Variants in SHISA6 observed in about 807,000 individuals in gnomAD.
SHISA6 encodes shisa family member 6.
In SHISA6, 22 loss-of-function variants were observed where a neutral mutation model predicts 47.9. That is an observed-to-expected ratio of 0.46 (90% CI 0.33 to 0.66). SHISA6 has a LOEUF of 0.66. SHISA6 is among the 30% of genes least tolerant of loss of function. The probability of loss-of-function intolerance (pLI) is 0.02; values close to 1 mark genes in which losing one functional copy is unlikely to be tolerated. For synonymous variants in SHISA6, 388 were observed against 337.8 expected, an observed-to-expected ratio of 1.15 and a Z score of -1.63; for missense variants, 680 against 764.6, an observed-to-expected ratio of 0.89 and a Z score of 1.30.
intron 3 of SHISA6, among the ~76,000 whole-genome samples, chr17:11,415,870 T>C (rs981531576): frequency 6.6e-6 from 1 of 152,196 alleles, no homozygotes; most frequent in Non-Finnish European, 1.5e-5. Flanking sequence ...CAAAATACCG[T>C]AGACTTGATG....
intron 3 of SHISA6, chr17:11,380,243 T>TTATA (rs1201912737): frequency 1.3e-5 from 2 of 152,240 alleles, no homozygotes; most frequent in African/African-American, 2.4e-5. Context: ...AGATCAAATG[T>TTATA]GAATTCTGTT....
chr17:11,348,714 C>T (rs1911778988), intron 2 of SHISA6, among the ~76,000 whole-genome samples: 1 of 151,878 alleles, frequency 6.6e-6, no homozygotes, highest in Non-Finnish European at 1.5e-5. Context: ...GAAACAAGTT[C>T]ATTTGGGGCC....
At chr17:11,384,622 G>A (rs892373728) in intron 3 of SHISA6, among the ~76,000 whole-genome samples, 2 of 152,122 alleles carry the variant, frequency 1.3e-5, no homozygotes, top group Non-Finnish European at 2.9e-5. Flanking sequence ...GATATCCCTG[G>A]CCACACCAGG....
intron 2 of SHISA6, among the ~76,000 whole-genome samples, chr17:11,363,405 C>T (rs1912349313): frequency 1.3e-5 from 2 of 152,126 alleles, no homozygotes. Flanking sequence ...TAGTCTTGCC[C>T]TTTATAAACA....
chr17:11,405,614 C>T (rs1913925686), intron 3 of SHISA6, among the ~76,000 whole-genome samples: 1 of 151,960 alleles, frequency 6.6e-6, no homozygotes, highest in Non-Finnish European at 1.5e-5. Flanking sequence ...CCAGCCTGGC[C>T]AACATGGTGA....
chr17:11,389,510 T>C (rs920127409), intron 3 of SHISA6, among the ~76,000 whole-genome samples: 4 of 152,178 alleles, frequency 2.6e-5, no homozygotes, highest in Non-Finnish European at 4.4e-5. Flanking sequence ...CACCAGCTTG[T>C]CTTCTTTCTA....
chr17:11,536,395 T>G (rs561720860), intron 3 of SHISA6, among the ~76,000 whole-genome samples: 17 of 152,300 alleles, frequency 1.1e-4, no homozygotes, highest in African/African-American at 3.6e-4. Flanking sequence ...CTACTTTGTA[T>G]TTGGGATATT....
At chr17:11,509,471 C>T (rs967315606) in intron 3 of SHISA6, among the ~76,000 whole-genome samples, 29 of 152,296 alleles carry the variant, frequency 1.9e-4, no homozygotes, top group African/African-American at 7.0e-4. Context: ...GGAGGAAATG[C>T]CTGAGGTCAC....
intron 2 of SHISA6, among the ~76,000 whole-genome samples, chr17:11,350,734 G>A (rs1911862111): frequency 6.6e-6 from 1 of 151,920 alleles, no homozygotes; most frequent in Admixed American, 6.6e-5. Flanking sequence ...TATAAATCTG[G>A]TCATGCCATT....
intron 3 of SHISA6, among the ~76,000 whole-genome samples, chr17:11,462,274 T>C (rs1915711247): frequency 6.6e-6 from 1 of 152,212 alleles, no homozygotes; most frequent in African/African-American, 2.4e-5. Context: ...CCAGTCAGGA[T>C]GCCATGCATT....
chr17:11,271,694 A>G (rs375180262), intron 2 of SHISA6, among the ~76,000 whole-genome samples: 1 of 146,702 alleles, frequency 6.8e-6, no homozygotes, highest in South Asian at 2.1e-4. Context: ...TCCTGACCTC[A>G]GGTGATCTGC....
At chr17:11,333,063 T>C (rs934973775) in intron 2 of SHISA6, among the ~76,000 whole-genome samples, 3 of 152,182 alleles carry the variant, frequency 2.0e-5, no homozygotes, top group Non-Finnish European at 2.9e-5. Context: ...ATGCCACATC[T>C]TTATCACTGT....
chr17:11,495,674 G>A (rs2142341968), intron 3 of SHISA6, among the ~76,000 whole-genome samples: 1 of 152,334 alleles, frequency 6.6e-6, no homozygotes, highest in Non-Finnish European at 1.5e-5. Flanking sequence ...CTGCAAGGAT[G>A]CAAGGCATCT....
At chr17:11,525,975 C>A (rs1334020767) in intron 3 of SHISA6, among the ~76,000 whole-genome samples, 1 of 151,400 alleles carries the variant, frequency 6.6e-6, no homozygotes, top group African/African-American at 2.4e-5. Flanking sequence ...TGTCACTGCA[C>A]TCCAGTCTGG....
At chr17:11,289,962 C>A (rs1314273207) in intron 2 of SHISA6, 1 of 150,734 alleles carries the variant, frequency 6.6e-6, no homozygotes, top group African/African-American at 2.5e-5. Flanking sequence ...GCTGTAAGTT[C>A]TTCTCTAACA....
chr17:11,259,336 T>C (rs1273458879), intron 1 of SHISA6, among the ~76,000 whole-genome samples: 1 of 152,174 alleles, frequency 6.6e-6, no homozygotes, highest in Non-Finnish European at 1.5e-5. Context: ...AACAACGAAA[T>C]AGGGCTACCG....
chr17:11,508,400 G>C lies in SHISA6; in HGVS notation c.896-43496G>C, dbSNP rs1461018814. On this transcript the variant is annotated intron_variant, in intron 3 of 5. Transcript: ENST00000441885. ...TCAAGCCCCTTTATAAAGGCACCTA[G>C]CCCCATTCACCAAAGAGGAGCCCTC... 9.0e-5 allele frequency among the ~76,000 whole-genome samples: 8 copies of C among 88,644 alleles called. 2 individuals carry two copies. Among genetic ancestry groups the C allele is most frequent in the African/African-American group, 3.5e-4 (8 of 23,046 alleles). 58.2% of individuals were successfully genotyped at this position (88,644 alleles called of 152,430 possible). A position where few individuals can be genotyped will look rare whatever the true frequency, so the allele number is the denominator to read the frequency against.
At chr17:11,291,627 C>G (rs1909547386) in intron 2 of SHISA6, among the ~76,000 whole-genome samples, 1 of 152,010 alleles carries the variant, frequency 6.6e-6, no homozygotes, top group South Asian at 2.1e-4. Context: ...GAGCGAGACT[C>G]TGTCTCAAAA....
At chr17:11,391,147 G>T (rs1463110169) in intron 3 of SHISA6, among the ~76,000 whole-genome samples, 1 of 152,164 alleles carries the variant, frequency 6.6e-6, no homozygotes, top group Non-Finnish European at 1.5e-5. Flanking sequence ...TGGAAATGCA[G>T]ATGTGTGGGG....
Sources: gnomAD v4.1 joint callset for allele counts (sites outside exome capture counted in the v4.1 genomes callset) on GRCh38, gnomAD v4.1.1 for gene constraint, MANE v1.5 for transcripts, NCBI Gene and HGNC (gene_info 2026-07-23, HGNC 2026-07-21) for gene names.